MAML1: variants seen among roughly 807,000 people sequenced by gnomAD.
The protein encoded by MAML1 is mastermind-like protein 1.
A neutral mutation model predicts 77.1 loss-of-function variants in MAML1; 14 were observed. The observed-to-expected ratio is 0.18, with a 90% CI of 0.12 to 0.28. The LOEUF (loss-of-function observed/expected upper bound fraction) is 0.28, where lower values mean the gene tolerates loss of function less well. Among genes scored for constraint, MAML1 ranks in the 10% least tolerant of loss-of-function variants. The probability of loss-of-function intolerance (pLI) is 1.00; values close to 1 mark genes in which losing one functional copy is unlikely to be tolerated. For synonymous variants in MAML1, 516 were observed against 551.9 expected, an observed-to-expected ratio of 0.93 and a Z score of 0.91; for missense variants, 1,217 against 1,327.8, an observed-to-expected ratio of 0.92 and a Z score of 1.30.
intron 1 of MAML1, among the ~76,000 whole-genome samples, chr5:179,745,141 G>A (rs184742538): frequency 0.021 from 3,154 of 151,674 alleles, 132 homozygotes; most frequent in African/African-American, 0.073. Flanking sequence ...TCCTGACCTC[G>A]TGATCCGCCT....
chr5:179,747,991 G>A (rs929569016), intron 1 of MAML1, among the ~76,000 whole-genome samples: 2 of 151,992 alleles, frequency 1.3e-5, no homozygotes, highest in African/African-American at 4.8e-5. Flanking sequence ...CATGGGCTCG[G>A]GGAAGAGATA....
chr5:179,766,894 T>C lies in MAML1; in HGVS notation c.1731+153T>C, dbSNP rs1396519946. Among the ~76,000 whole-genome samples, 2 of 152,158 alleles carry C rather than the reference T, an allele frequency of 1.3e-5. No individual in the cohort carries two copies. Among genetic ancestry groups the C allele is most frequent in the Non-Finnish European group, 2.9e-5 (2 of 68,034 alleles). On this transcript the variant is annotated intron_variant, in intron 2 of 4. Transcript: ENST00000292599. The surrounding 1 kb of genome is among the most constrained non-coding windows in gnomAD (Gnocchi z 4.0). ...CTTGCTCCTCTTGGGAGTGGAAATTTATAAAATAAACCAGGGTTGATTGTT... is the reference window on the plus strand; with the variant it reads ...CTTGCTCCTCTTGGGAGTGGAAATTCATAAAATAAACCAGGGTTGATTGTT...
chr5:179,775,326 G>T lies in MAML1; in HGVS notation c.*449G>T, dbSNP rs1756112626. 5.1e-6 allele frequency: 5 copies of T among 977,474 alleles called. No individual in the cohort carries two copies. Among genetic ancestry groups the T allele is most frequent in the Admixed American group, 1.3e-4 (2 of 15,862 alleles). The allele number at this position is 977,474 out of a possible 1,614,324, so 60.6% of individuals were successfully genotyped here. Reference sequence around the variant, plus strand: ...TATTTGCAATTTGTAGCATAGAAAAGATTTTTAAATTTTTTTACAAAAGGT... The same window carrying T: ...TATTTGCAATTTGTAGCATAGAAAATATTTTTAAATTTTTTTACAAAAGGT... On this transcript the variant is annotated 3_prime_UTR_variant, in exon 5 of 5. Coordinates refer to ENST00000292599, the MANE Select transcript of MAML1 (RefSeq NM_014757.5).
At chr5:179,763,278 T>C (rs1311484767) in intron 1 of MAML1, among the ~76,000 whole-genome samples, 1 of 152,220 alleles carries the variant, frequency 6.6e-6, no homozygotes, top group Admixed American at 6.5e-5. Context: ...AAATAATGGC[T>C]TTTTATAAAG....
At chr5:179,733,543 T>C in intron 1 of MAML1, 116 bp downstream of exon 1, 1 of 827,176 alleles carries the variant, frequency 1.2e-6, no homozygotes, top group Non-Finnish European at 1.5e-6. Flanking sequence ...GACTCCTGGA[T>C]CTGGCTGGAG....
At position 179,733,412 on chromosome 5, in the gene MAML1, C is replaced by G. The variant is rs1290606590; in HGVS notation, c.300C>G (p.His100Gln). Residue 100 changes from histidine (H) to glutamine (Q), a missense_variant, in exon 1 of 5, where the codon CAC becomes CAG. Transcript: ENST00000292599. ...TGGACGCCGCTGACGGCCCCGAGCA[C>G]GGCCGCCCGGCCACGGTGAGTAGGG... ...PRLDAADGPE[H>Q]GRPATHLHDT... 3.6e-6 allele frequency: 4 copies of G among 1,108,208 alleles called. No homozygotes were observed. The Admixed American group carries it at 1.5e-4, about 42-fold the overall frequency. The allele number at this position is 1,108,208 out of a possible 1,614,324, so 68.6% of individuals were successfully genotyped here. A position where few individuals can be genotyped will look rare whatever the true frequency, so the allele number is the denominator to read the frequency against.
chr5:179,776,038 T>A lies in MAML1; in HGVS notation c.*1161T>A. 5 of 985,830 alleles carry A rather than the reference T, an allele frequency of 5.1e-6. No homozygotes were observed. Among genetic ancestry groups the A allele is most frequent in the Non-Finnish European group, 6.0e-6 (5 of 829,946 alleles). 61.1% of individuals were successfully genotyped at this position (985,830 alleles called of 1,614,324 possible). A position where few individuals can be genotyped will look rare whatever the true frequency, so the allele number is the denominator to read the frequency against. ...GAGATTGCTTTATAACACTAAGACA[T>A]CCTTTCTAAAGATTCAAGTGGACTT... is the stretch of plus-strand genomic sequence containing the variant. On this transcript the variant is annotated 3_prime_UTR_variant, in exon 5 of 5. Coordinates refer to ENST00000292599, the MANE Select transcript of MAML1 (RefSeq NM_014757.5).
At chr5:179,763,755 A>G (rs537332787) in intron 1 of MAML1, among the ~76,000 whole-genome samples, 1 of 152,264 alleles carries the variant, frequency 6.6e-6, no homozygotes, top group East Asian at 1.9e-4. Context: ...GTGGAGAGTC[A>G]GGTGGCCTTT....
chr5:179,772,436 T>C (rs1348811830), intron 4 of MAML1, among the ~76,000 whole-genome samples: 4 of 152,110 alleles, frequency 2.6e-5, no homozygotes, highest in African/African-American at 9.7e-5. Context: ...ATTATATGGT[T>C]GCTAGTAGAG....
At chr5:179,746,381 T>C (rs1395911527) in intron 1 of MAML1, among the ~76,000 whole-genome samples, 1 of 152,106 alleles carries the variant, frequency 6.6e-6, no homozygotes, top group Non-Finnish European at 1.5e-5. Context: ...TAGCAATGTT[T>C]TGTTTTTTTT....
rs771421679 is a variant in MAML1, at chr5:179,766,378, G to A, written c.1368G>A (p.Lys456=). 1.2e-6 allele frequency: 2 copies of A among 1,608,958 alleles called. No individual in the cohort carries two copies. The highest frequency in any genetic ancestry group is 1.7e-6 in the Non-Finnish European group (2 of 1,177,150). Residue 456 remains lysine (K), a synonymous_variant, in exon 2 of 5, where the codon AAG becomes AAA. Transcript: ENST00000292599. This position sits in a 1 kb window ranked among gnomAD's most constrained non-coding sequence, Gnocchi z 4.0. The part of the protein sequence containing the change: ...MEKPASPSSY[K]QDFTNSKLLM... ...AGCCTGCCAGCCCTTCCAGCTACAA[G>A]CAAGACTTCACTAACTCCAAACTGC...
At chr5:179,753,978 G>C (rs1779562385) in intron 1 of MAML1, among the ~76,000 whole-genome samples, 1 of 151,392 alleles carries the variant, frequency 6.6e-6, no homozygotes, top group African/African-American at 2.4e-5. Flanking sequence ...GGCCTTGTTT[G>C]GATTGTTTTA....
chr5:179,764,986 AAT>A (rs1554151380), intron 1 of MAML1, among the ~76,000 whole-genome samples: 49 of 100,328 alleles, frequency 4.9e-4, no homozygotes, highest in African/African-American at 1.1e-3. Context: ...ATATATATAT[AAT>A]ATATATATGT....
chr5:179,772,686 CCTT>C (rs1217958565), intron 4 of MAML1, among the ~76,000 whole-genome samples: 1 of 152,124 alleles, frequency 6.6e-6, no homozygotes, highest in Non-Finnish European at 1.5e-5. Context: ...ACTCCTCCCT[CCTT>C]TGGCCACCTT....
chr5:179,773,860 G>C (rs767284975), intron 4 of MAML1, 35 bp from the exon 5 acceptor site: 1 of 1,580,110 alleles, frequency 6.3e-7, no homozygotes. Context: ...AGTGGTGGTC[G>C]ACTCCTGACT....
chr5:179,746,322 G>A (rs1301606722), intron 1 of MAML1, among the ~76,000 whole-genome samples: 5 of 152,128 alleles, frequency 3.3e-5, no homozygotes, highest in Non-Finnish European at 5.9e-5. Context: ...CTGCAGCCTG[G>A]CGGCAGAGCG....
chr5:179,774,526 G>A lies in MAML1; in HGVS notation c.2700G>A (p.Gly900=). The part of the protein sequence containing the change: ...MAPMSSAAAV[G]SLLPPVSAQQ... The stretch of plus-strand genomic sequence containing the variant: ...CCATGAGCTCAGCAGCTGCCGTGGG[G>A]TCCTTGCTACCCCCAGTGAGTGCAC... Residue 900 remains glycine (G), a synonymous_variant, in exon 5 of 5, where the codon GGG becomes GGA. Transcript: ENST00000292599. 1 of 1,613,126 alleles carries A rather than the reference G, an allele frequency of 6.2e-7. No homozygotes were observed. The highest frequency in any genetic ancestry group is 1.6e-4 in the Middle Eastern group (1 of 6,062).
rs1012989469 is a variant in MAML1 at position 179,733,080 on chromosome 5, G to C, written c.-33G>C. On this transcript the variant is annotated 5_prime_UTR_variant, in exon 1 of 5. Coordinates refer to ENST00000292599, the MANE Select transcript of MAML1 (RefSeq NM_014757.5). ...AGTGCCAGCCGGCCCCGAGAGGCCC[G>C]GCCCCGGGCCCGGCCCGTGCAGCCC... The C allele has an allele frequency of 3.3e-5, 42 of 1,266,508 alleles. No homozygotes were observed. The highest frequency in any genetic ancestry group is 4.2e-5 in the Non-Finnish European group (42 of 1,004,086). The allele number at this position is 1,266,508 out of a possible 1,614,324, so 78.5% of individuals were successfully genotyped here.
At chr5:179,740,910 CT>C (rs1164291886) in intron 1 of MAML1, among the ~76,000 whole-genome samples, 2 of 152,106 alleles carry the variant, frequency 1.3e-5, no homozygotes, top group Non-Finnish European at 2.9e-5. Context: ...CATTTTCACT[CT>C]TTTTTTCCCC....
Sources: allele counts gnomAD v4.1 joint callset (sites outside exome capture counted in the v4.1 genomes callset), GRCh38; gene constraint gnomAD v4.1.1; non-coding constraint Gnocchi (gnomAD v3.1); transcripts MANE v1.5; gene names NCBI Gene and HGNC (gene_info 2026-07-23, HGNC 2026-07-21).